Variants in LRRC4C observed in about 807,000 individuals in gnomAD.
The protein encoded by LRRC4C is leucine-rich repeat-containing protein 4C.
LRRC4C carries 5 observed loss-of-function variants against 33.6 expected under a neutral mutation model. That is an observed-to-expected ratio of 0.15 (90% CI 0.08 to 0.31). The LOEUF is 0.31. Among genes scored for constraint, LRRC4C ranks in the 10% least tolerant of loss-of-function variants. LRRC4C has a pLI of 1.00. For synonymous variants in LRRC4C, 329 were observed against 302.0 expected (o/e 1.09, Z -0.93); for missense variants, 560 against 796.7 (o/e 0.70, Z 3.58).
intron 1 of LRRC4C, among the ~76,000 whole-genome samples, chr11:41,351,058 C>T (rs1428409490): frequency 6.6e-6 from 1 of 152,026 alleles, no homozygotes; most frequent in Non-Finnish European, 1.5e-5. Context: ...GACAAGACCT[C>T]GTGTCTTTTA....
intron 3 of LRRC4C, among the ~76,000 whole-genome samples, chr11:40,365,852 G>T (rs1948184458): frequency 6.6e-6 from 1 of 151,962 alleles, no homozygotes; most frequent in African/African-American, 2.4e-5. Flanking sequence ...TATTATATCT[G>T]ACTTTGCAAG....
intron 5 of LRRC4C, among the ~76,000 whole-genome samples, chr11:40,161,187 C>T (rs964570241): frequency 3.6e-4 from 55 of 152,082 alleles, no homozygotes; most frequent in African/African-American, 8.7e-4. Flanking sequence ...TTCAATATCA[C>T]GACTAAAATA....
At chr11:41,131,073 A>G (rs908336998) in intron 1 of LRRC4C, among the ~76,000 whole-genome samples, 3 of 152,028 alleles carry the variant, frequency 2.0e-5, no homozygotes, top group Non-Finnish European at 4.4e-5. Context: ...CATACAACCA[A>G]TTTGTAGAGG....
chr11:40,924,723 T>C (rs1456861579), intron 2 of LRRC4C, among the ~76,000 whole-genome samples: 1 of 152,108 alleles, frequency 6.6e-6, no homozygotes, highest in African/African-American at 2.4e-5. Flanking sequence ...CGTTAACACA[T>C]TGTATCCACA....
intron 3 of LRRC4C, among the ~76,000 whole-genome samples, chr11:40,467,335 A>C (rs1952701567): frequency 6.6e-6 from 1 of 152,132 alleles, no homozygotes; most frequent in African/African-American, 2.4e-5. Context: ...AAAAATCATC[A>C]TTATTACTTT....
intron 1 of LRRC4C, among the ~76,000 whole-genome samples, chr11:41,091,537 C>T (rs1032494457): frequency 6.6e-6 from 1 of 152,018 alleles, no homozygotes; most frequent in African/African-American, 2.4e-5. Flanking sequence ...GTCTTAGGGA[C>T]ATTCCTGCAA....
At chr11:40,522,717 T>C (rs1955872235) in intron 3 of LRRC4C, among the ~76,000 whole-genome samples, 1 of 152,180 alleles carries the variant, frequency 6.6e-6, no homozygotes, top group Admixed American at 6.6e-5. Flanking sequence ...TTTCCCCTAC[T>C]AAGTCTCTGG....
At chr11:41,225,488 T>A (rs538718732) in intron 1 of LRRC4C, among the ~76,000 whole-genome samples, 1 of 152,120 alleles carries the variant, frequency 6.6e-6, no homozygotes, top group South Asian at 2.1e-4. Context: ...TAAGGGAGTT[T>A]TATTGAGTCT....
intron 1 of LRRC4C, among the ~76,000 whole-genome samples, chr11:41,203,352 G>C (rs1433555459): frequency 6.6e-6 from 1 of 152,162 alleles, no homozygotes; most frequent in Non-Finnish European, 1.5e-5. Flanking sequence ...GGAGAAGGCA[G>C]TTGCTTTGGT....
chr11:40,904,707 T>C (rs1956343806), intron 2 of LRRC4C, among the ~76,000 whole-genome samples: 1 of 152,112 alleles, frequency 6.6e-6, no homozygotes. Context: ...ACCATTCTCC[T>C]TTTCCTAAGG....
intron 2 of LRRC4C, among the ~76,000 whole-genome samples, chr11:40,907,924 A>G (rs566818017): frequency 1.3e-5 from 2 of 152,306 alleles, no homozygotes; most frequent in South Asian, 4.1e-4. Flanking sequence ...AATAATTCCA[A>G]TGTCGTGCAC....
chr11:40,335,719 C>T (rs975379274), intron 3 of LRRC4C, among the ~76,000 whole-genome samples: 7 of 152,138 alleles, frequency 4.6e-5, no homozygotes, highest in East Asian at 1.9e-4. Flanking sequence ...GTGCCTATCT[C>T]GAAGAGAATG....
chr11:41,113,680 C>T (rs1476735575), intron 1 of LRRC4C, among the ~76,000 whole-genome samples: 1 of 152,038 alleles, frequency 6.6e-6, no homozygotes, highest in African/African-American at 2.4e-5. Flanking sequence ...GCCTTTGGCC[C>T]ACTGAAATCA....
intron 4 of LRRC4C, among the ~76,000 whole-genome samples, chr11:40,300,177 G>A (rs1201119311): frequency 6.6e-6 from 1 of 152,134 alleles, no homozygotes; most frequent in Non-Finnish European, 1.5e-5. Context: ...CGTGAGGAGA[G>A]TACCAAAGGG....
intron 1 of LRRC4C, among the ~76,000 whole-genome samples, chr11:41,038,775 T>A (rs996263): frequency 0.92 from 140,727 of 152,180 alleles, 65,456 homozygotes; most frequent in East Asian, 1. Flanking sequence ...CTCATCCCCC[T>A]AAAGTGTTTT....
At chr11:40,539,360 T>G (rs112513283) in intron 3 of LRRC4C, among the ~76,000 whole-genome samples, 473 of 152,282 alleles carry the variant, frequency 3.1e-3, no homozygotes, top group African/African-American at 0.011. Context: ...CTTTTAGAAT[T>G]ACCTATTTCC....
chr11:40,880,864 T>TATAC (rs71750529), intron 2 of LRRC4C, among the ~76,000 whole-genome samples: 1 of 4,980 alleles, frequency 2.0e-4, no homozygotes, highest in Non-Finnish European at 4.1e-3. Flanking sequence ...TGTGTGTGTG[T>TATAC]ATATATATAT....
intron 2 of LRRC4C, among the ~76,000 whole-genome samples, chr11:40,838,132 G>A (rs1005840600): frequency 8.5e-5 from 13 of 152,100 alleles, no homozygotes; most frequent in Non-Finnish European, 1.8e-4. Context: ...AGAACTCCAG[G>A]TGAACTGAAA....
At chr11:41,370,501 G>C (rs969455399) in intron 1 of LRRC4C, among the ~76,000 whole-genome samples, 2 of 152,110 alleles carry the variant, frequency 1.3e-5, no homozygotes, top group African/African-American at 4.8e-5. Flanking sequence ...AGTCCTAAGA[G>C]ATCTGATGGT....
Sources: gnomAD v4.1 joint callset for allele counts (sites outside exome capture counted in the v4.1 genomes callset) on GRCh38, gnomAD v4.1.1 for gene constraint, MANE v1.5 for transcripts, NCBI Gene and HGNC (gene_info 2026-07-23, HGNC 2026-07-21) for gene names.